The following PEAK1 variants were observed in gnomAD, a reference collection of about 807,000 sequenced individuals.
The protein encoded by PEAK1 is inactive tyrosine-protein kinase PEAK1.
Under a neutral mutation model 124.7 loss-of-function variants are expected in PEAK1, and 54 were observed. That is an observed-to-expected ratio of 0.43 (90% CI 0.35 to 0.54). The LOEUF is 0.54. PEAK1 is among the 20% of genes least tolerant of loss of function. The pLI is 0.01. For synonymous variants in PEAK1, 719 were observed against 760.0 expected, an observed-to-expected ratio of 0.95 and a Z score of 0.89; for missense variants, 2,046 against 2,134.5, an observed-to-expected ratio of 0.96 and a Z score of 0.82.
Position 77,210,993 on chromosome 15 carries a change from T to C in PEAK1, c.-114-28953A>G, listed in dbSNP as rs191243240. On this transcript the variant is annotated intron_variant, in intron 6 of 9. Coordinates refer to ENST00000682557, the MANE Select transcript of PEAK1 (RefSeq NM_001385026.1). Reference sequence around the variant, plus strand: ...GATTATCTCCAGGGTTTTCTACTTCTAGATCTGTGCTATTTTATTACAGTA... The same window carrying C: ...GATTATCTCCAGGGTTTTCTACTTCCAGATCTGTGCTATTTTATTACAGTA... Among the ~76,000 whole-genome samples the C allele has an allele frequency of 2.2e-3, 331 of 152,372 alleles. 2 individuals are homozygous for C. Among genetic ancestry groups the C allele is most frequent in the Middle Eastern group, 0.017 (5 of 294 alleles).
chr15:77,277,000 T>C (rs1597066991), intron 5 of PEAK1, among the ~76,000 whole-genome samples: 1 of 152,214 alleles, frequency 6.6e-6, no homozygotes, highest in East Asian at 1.9e-4. Context: ...CAAAATGTAG[T>C]ATCTAGAGTG....
intron 8 of PEAK1, among the ~76,000 whole-genome samples, chr15:77,142,963 G>A (rs2053902985): frequency 6.6e-6 from 1 of 151,988 alleles, no homozygotes; most frequent in African/African-American, 2.4e-5. Context: ...ACTTTAGTAG[G>A]GTGAATTTTA....
intron 2 of PEAK1, chr15:77,352,486 G>A (rs774240521): frequency 8.1e-6 from 8 of 985,074 alleles, no homozygotes; most frequent in East Asian, 1.1e-4. Context: ...TGGGGGCTAT[G>A]GAGAGAGCCT....
rs371114707 is a variant in PEAK1 at position 77,285,902 on chromosome 15, G to C, written c.-521+521C>G. ...TATTTCTTGTCTTCTGCTAGCTTTT[G>C]AATTTGTTTGTTATTGCTTCTCTAG... On this transcript the variant is annotated intron_variant, in intron 3 of 9. Transcript: ENST00000682557. Among the ~76,000 whole-genome samples the C allele has an allele frequency of 2.2e-3, 333 of 152,116 alleles. 1 individual carries two copies. Among genetic ancestry groups the C allele is most frequent in the African/African-American group, 7.6e-3 (317 of 41,506 alleles).
In PEAK1 at chr15:77,181,268, T is replaced by A. The variant is rs1459332390; in HGVS notation, c.659A>T (p.Asn220Ile). The change falls in exon 7 of 10, where the codon AAT (asparagine) becomes ATT (isoleucine). Residue 220 changes from asparagine to isoleucine, a missense_variant. Asn to Ile is a moderately radical substitution (Grantham distance 149). Transcript: ENST00000682557. ...ILSGSTEVIS[N>I]EGGRFCYPEF... ...TGGGTAACAGAACCGGCCCCCTTCA[T>A]TACTAATCACTTCTGTGCTCCCACT... The A allele has an allele frequency of 6.2e-7, 1 of 1,613,890 alleles. No individual in the cohort carries two copies. The highest frequency in any genetic ancestry group is 1.3e-5 in the African/African-American group (1 of 74,924).
chr15:77,194,563 A>G (rs1316474419), intron 6 of PEAK1, among the ~76,000 whole-genome samples: 2 of 152,160 alleles, frequency 1.3e-5, no homozygotes, highest in East Asian at 3.8e-4. Context: ...TCCTCTTAGA[A>G]TTAACTGCTC....
At chr15:77,348,142 T>C (rs2066983446) in intron 2 of PEAK1, 1 of 981,904 alleles carries the variant, frequency 1.0e-6, no homozygotes, top group Non-Finnish European at 1.2e-6. Flanking sequence ...TTGCTCTACA[T>C]GAGGTATATG....
intron 2 of PEAK1, among the ~76,000 whole-genome samples, chr15:77,311,685 CAAAAAAAA>C (rs11296386): frequency 4.2e-4 from 36 of 85,856 alleles, no homozygotes; most frequent in Admixed American, 1.1e-3. Flanking sequence ...CCAACCCCCA[CAAAAAAAA>C]AAAAAAAAAA....
rs749000554 is a variant in PEAK1 at position 77,298,197 on chromosome 15, A to ATTTTTTTTTTTTTTTTTTTTTT, written c.-602-11715_-602-11694dup. Reference sequence around the variant, plus strand: ...TAGCTTCTTTTGTTTGGTATCCTTAATTTTTTTTTTTTTTTTTTTTTTTTT... The same window carrying ATTTTTTTTTTTTTTTTTTTTTT: ...TAGCTTCTTTTGTTTGGTATCCTTAATTTTTTTTTTTTTTTTTTTTTTTTTTTTTTTTTTTTTTTTTTTTTTT... On this transcript the variant is annotated intron_variant, in intron 2 of 9. Transcript: ENST00000682557. 2.6e-4 allele frequency among the ~76,000 whole-genome samples: 10 copies of ATTTTTTTTTTTTTTTTTTTTTT among 37,822 alleles called. 2 individuals carry two copies. The highest frequency in any genetic ancestry group is 4.7e-4 in the Admixed American group (1 of 2,148). 24.8% of individuals were successfully genotyped at this position (37,822 alleles called of 152,430 possible).
Position 77,215,182 on chromosome 15 carries a change from T to C in PEAK1, c.-114-33142A>G, listed in dbSNP as rs545509980. ...GTTAAGTGTCCCCCCATGTGCTTAC[T>C]GACCATTCATATATTTACTGTGAAG... On this transcript the variant is annotated intron_variant, in intron 6 of 9. Coordinates refer to ENST00000682557, the MANE Select transcript of PEAK1 (RefSeq NM_001385026.1). 2.1e-3 allele frequency among the ~76,000 whole-genome samples: 324 copies of C among 152,328 alleles called. 16 individuals carry two copies. In the South Asian group the frequency reaches 0.065, roughly 30 times the overall value.
In PEAK1 at chr15:77,265,090, A is replaced by C. The variant is rs569394265; in HGVS notation, c.-274-12564T>G. On this transcript the variant is annotated intron_variant, in intron 5 of 9. Transcript: ENST00000682557. Reference sequence around the variant, plus strand: ...AAACTGGATCCCTTCCTTACACCTTACACAAAAATCAATTCAAGATGGATT... The same window carrying C: ...AAACTGGATCCCTTCCTTACACCTTCCACAAAAATCAATTCAAGATGGATT... Among the ~76,000 whole-genome samples the C allele has an allele frequency of 3.0e-4, 46 of 152,324 alleles. 2 individuals carry two copies. In the South Asian group the frequency reaches 7.9e-3, roughly 26 times the overall value.
chr15:77,105,347 TGTGTGTGTGTGCGCGC>T (rs1391417848), downstream of PEAK1: 1 of 136,130 alleles, frequency 7.3e-6, no homozygotes, highest in African/African-American at 3.2e-5. Flanking sequence ...TGTGTGTGTG[TGTGTGTGTGTGCGCGC>T]GTGCGCGCAC....
intron 2 of PEAK1, among the ~76,000 whole-genome samples, chr15:77,345,262 T>C (rs1460557876): frequency 2.0e-5 from 3 of 152,222 alleles, no homozygotes; most frequent in Admixed American, 1.3e-4. Flanking sequence ...TGTTAAATCT[T>C]GTCCAAGGTT....
At chr15:77,401,755 TAGAG>T in intron 1 of PEAK1, 4 of 985,212 alleles carry the variant, frequency 4.1e-6, no homozygotes, top group Non-Finnish European at 4.8e-6. Flanking sequence ...TTTACTTTCT[TAGAG>T]AGCTTTTGCT....
chr15:77,153,044 G>A (rs888343332), intron 8 of PEAK1, among the ~76,000 whole-genome samples: 1 of 152,084 alleles, frequency 6.6e-6, no homozygotes, highest in Non-Finnish European at 1.5e-5. Context: ...CTATTGATTG[G>A]AATAGTTTCA....
At chr15:77,417,521 CG>C (rs1238482888) in intron 1 of PEAK1, 1 of 984,768 alleles carries the variant, frequency 1.0e-6, no homozygotes, top group Non-Finnish European at 1.2e-6. Context: ...GACAGAATAA[CG>C]CTCATCACAC....
intron 6 of PEAK1, among the ~76,000 whole-genome samples, chr15:77,184,889 C>CAAAT (rs2057463303): frequency 1.3e-5 from 2 of 152,192 alleles, no homozygotes; most frequent in Admixed American, 1.3e-4. Flanking sequence ...GACAAACAAA[C>CAAAT]AACTCATAGA....
At chr15:77,366,400 A>C (rs1035046069) in intron 1 of PEAK1, among the ~76,000 whole-genome samples, 3 of 152,158 alleles carry the variant, frequency 2.0e-5, no homozygotes, top group Admixed American at 6.5e-5. Flanking sequence ...TATGCAACTG[A>C]GATTTTTAGG....
intron 1 of PEAK1, among the ~76,000 whole-genome samples, chr15:77,373,384 A>AT (rs1194593244): frequency 6.6e-6 from 1 of 152,210 alleles, no homozygotes; most frequent in African/African-American, 2.4e-5. Context: ...AAACTATATC[A>AT]TAACTGTCTC....
Sources: allele counts gnomAD v4.1 joint callset (sites outside exome capture counted in the v4.1 genomes callset), GRCh38; gene constraint gnomAD v4.1.1; transcripts MANE v1.5; gene names NCBI Gene and HGNC (gene_info 2026-07-23, HGNC 2026-07-21).